ENTREP1: variants seen among roughly 807,000 people sequenced by gnomAD.
The protein encoded by ENTREP1 is Friedreich ataxia region gene X123.
chr9:69,371,787 CG>C, the ENTREP1 span, among the ~76,000 whole-genome samples: 2 of 152,056 alleles, frequency 1.3e-5, no homozygotes, highest in Non-Finnish European at 2.9e-5. Context: ...CCCAAGTTGT[CG>C]ATTACTTTTT....
the ENTREP1 span, among the ~76,000 whole-genome samples, chr9:69,328,916 C>T: frequency 1.3e-5 from 2 of 151,618 alleles, no homozygotes; most frequent in African/African-American, 2.4e-5. Flanking sequence ...AACCCACTTT[C>T]AGTCTCTGTA....
the ENTREP1 span, among the ~76,000 whole-genome samples, chr9:69,341,253 C>T: frequency 6.6e-6 from 1 of 152,074 alleles, no homozygotes; most frequent in African/African-American, 2.4e-5. Context: ...GCTCCATATT[C>T]TTTAGCATCA....
the ENTREP1 span, among the ~76,000 whole-genome samples, chr9:69,357,102 A>C: frequency 6.6e-6 from 1 of 151,594 alleles, no homozygotes; most frequent in East Asian, 1.9e-4. Flanking sequence ...CTACAAAAAA[A>C]AAAAAAAAAA....
chr9:69,340,683 A>ATG, the ENTREP1 span, among the ~76,000 whole-genome samples: 68 of 27,136 alleles, frequency 2.5e-3, 2 homozygotes, highest in South Asian at 8.0e-3. Flanking sequence ...GTGTGCATGC[A>ATG]TGTGTGTGTG....
At chr9:69,347,690 A>G in the ENTREP1 span, among the ~76,000 whole-genome samples, 1 of 152,208 alleles carries the variant, frequency 6.6e-6, no homozygotes, top group Non-Finnish European at 1.5e-5. Context: ...CAGACAAGTC[A>G]TGGTCCTGGA....
chr9:69,352,813 A>G, the ENTREP1 span, among the ~76,000 whole-genome samples: 2 of 152,154 alleles, frequency 1.3e-5, no homozygotes, highest in African/African-American at 2.4e-5. Context: ...CTTGAGAGAA[A>G]CAAGCCTATG....
chr9:69,373,998 T>C, the ENTREP1 span, among the ~76,000 whole-genome samples: 1 of 152,186 alleles, frequency 6.6e-6, no homozygotes, highest in South Asian at 2.1e-4. Context: ...AAAAGTTCTT[T>C]AGTGTCTCTT....
chr9:69,348,768 C>G, the ENTREP1 span, among the ~76,000 whole-genome samples: 1 of 152,194 alleles, frequency 6.6e-6, no homozygotes. Flanking sequence ...AAGATTCACC[C>G]ATGTTATAGT....
At chr9:69,351,767 T>C in the ENTREP1 span, among the ~76,000 whole-genome samples, 3 of 152,216 alleles carry the variant, frequency 2.0e-5, no homozygotes, top group South Asian at 6.2e-4. Flanking sequence ...TTGTAGAACA[T>C]CTACAAATCA....
chr9:69,341,484 AT>A, the ENTREP1 span, among the ~76,000 whole-genome samples: 131,688 of 150,876 alleles, frequency 0.87, 57,717 homozygotes, highest in African/African-American at 0.95. Context: ...GATATGCTTA[AT>A]TTTTTTTTTT....
At chr9:69,375,623 C>T in the ENTREP1 span, 13 of 832,554 alleles carry the variant, frequency 1.6e-5, no homozygotes, top group Non-Finnish European at 2.5e-5. Context: ...AGAGGCATTG[C>T]CTGACACAGA....
chr9:69,361,235 CA>C, the ENTREP1 span, among the ~76,000 whole-genome samples: 3 of 152,044 alleles, frequency 2.0e-5, no homozygotes, highest in African/African-American at 7.2e-5. Flanking sequence ...GATCAAGATA[CA>C]GAAATTTTCC....
the ENTREP1 span, among the ~76,000 whole-genome samples, chr9:69,349,579 C>A: frequency 6.6e-6 from 1 of 152,212 alleles, no homozygotes; most frequent in East Asian, 1.9e-4. Context: ...CTATTCAGAT[C>A]CATTGCCCAT....
chr9:69,387,603 C>T, the ENTREP1 span: 1 of 214,118 alleles, frequency 4.7e-6, no homozygotes, highest in Non-Finnish European at 9.4e-6. Context: ...TTGGTAATAG[C>T]TATAGATCTA....
the ENTREP1 span, among the ~76,000 whole-genome samples, chr9:69,339,953 C>G: frequency 1.3e-4 from 20 of 152,270 alleles, no homozygotes; most frequent in Non-Finnish European, 2.2e-4. Flanking sequence ...TTTGTTGCCT[C>G]TCCCCAGACT....
the ENTREP1 span, among the ~76,000 whole-genome samples, chr9:69,389,455 G>C: frequency 1.3e-5 from 2 of 152,192 alleles, no homozygotes; most frequent in African/African-American, 4.8e-5. Context: ...AGGGGATTCA[G>C]CGGGGAGGAA....
chr9:69,331,198 G>C, the ENTREP1 span, among the ~76,000 whole-genome samples: 2 of 152,144 alleles, frequency 1.3e-5, no homozygotes, highest in Admixed American at 6.6e-5. Context: ...AAGTAACACA[G>C]GACATTTACA....
the ENTREP1 span, among the ~76,000 whole-genome samples, chr9:69,357,255 G>T: frequency 6.6e-6 from 1 of 152,264 alleles, no homozygotes; most frequent in Admixed American, 6.5e-5. Context: ...CTAGGACTAA[G>T]CAACTCTGGC....
chr9:69,356,873 G>C, the ENTREP1 span, among the ~76,000 whole-genome samples: 104 of 152,226 alleles, frequency 6.8e-4, no homozygotes, highest in Non-Finnish European at 8.8e-5. Context: ...AGGGGTGATA[G>C]TAATGCCCAA....
Sources: gnomAD v4.1 joint callset for allele counts (sites outside exome capture counted in the v4.1 genomes callset) on GRCh38, gnomAD v4.1.1 for gene constraint, MANE v1.5 for transcripts, NCBI Gene and HGNC (gene_info 2026-07-23, HGNC 2026-07-21) for gene names.